COL20A1: variants seen among roughly 807,000 people sequenced by gnomAD.
COL20A1 encodes the protein collagen type XX alpha 1 chain.
A neutral mutation model predicts 152.9 loss-of-function variants in COL20A1; 164 were observed. That is an observed-to-expected ratio of 1.07 (90% CI 0.94 to 1.22). The LOEUF (loss-of-function observed/expected upper bound fraction) is 1.22, where lower values mean the gene tolerates loss of function less well. COL20A1 is among the 50% of genes most tolerant of loss of function. COL20A1 has a pLI of 0.00. For missense variants in COL20A1, 1,873 were observed against 1,744.8 expected (o/e 1.07, Z -1.31); for synonymous variants, 864 against 756.0 (o/e 1.14, Z -2.34).
chr20:63,312,977 G>A (rs563547118), intron 16 of COL20A1, 43 bp downstream of exon 16: 51 of 1,527,684 alleles, frequency 3.3e-5, no homozygotes, highest in Admixed American at 6.0e-5. Flanking sequence ...CCCCCCGTGG[G>A]CCCCTAGTCC....
intron 30 of COL20A1, 150 bp from the exon 31 acceptor site, chr20:63,326,602 G>A (rs141164472): frequency 1.3e-4 from 72 of 541,598 alleles, no homozygotes; most frequent in Middle Eastern, 4.5e-4. Flanking sequence ...ACCACCTGCC[G>A]GAGGAATGGC....
chr20:63,321,534 G>A (rs921799730), intron 26 of COL20A1, among the ~76,000 whole-genome samples: 24 of 152,336 alleles, frequency 1.6e-4, no homozygotes, highest in African/African-American at 4.8e-4. Context: ...GACGTGGGCC[G>A]GCTGTGAGTC....
intron 21 of COL20A1, among the ~76,000 whole-genome samples, chr20:63,317,359 G>A (rs1033564726): frequency 2.0e-5 from 3 of 151,706 alleles, no homozygotes; most frequent in East Asian, 1.9e-4. Flanking sequence ...CCAGCTACTC[G>A]GGAGGCTGAG....
intron 14 of COL20A1, 134 bp downstream of exon 14, chr20:63,312,189 T>TGGTGTGGGGGCAGATGTG: frequency 8.5e-7 from 1 of 1,172,608 alleles, no homozygotes; most frequent in Non-Finnish European, 1.2e-6. Flanking sequence ...CGGGGGCACC[T>TGGTGTGGGGGCAGATGTG]GGTGTGGGGG....
Position 63,305,822 on chromosome 20 carries a change from T to C in COL20A1, c.338-59T>C. 1 of 1,544,286 alleles carries C rather than the reference T, an allele frequency of 6.5e-7. No individual in the cohort carries two copies. Among genetic ancestry groups the C allele is most frequent in the Middle Eastern group, 1.8e-4 (1 of 5,704 alleles). ...GCCCTTGAAGGGGTGTATGTGCAGC[T>C]GCCCCAGTGGACCAGGCCCTCCACT... On this transcript the variant is annotated intron_variant, in intron 4 of 35. Coordinates refer to ENST00000358894, the MANE Select transcript of COL20A1 (RefSeq NM_020882.4). The surrounding 1 kb of genome is among the most constrained non-coding windows in gnomAD (Gnocchi z 4.9).
intron 21 of COL20A1, among the ~76,000 whole-genome samples, chr20:63,317,000 C>G (rs899212582): frequency 6.6e-6 from 1 of 151,612 alleles, no homozygotes; most frequent in Non-Finnish European, 1.5e-5. Flanking sequence ...CCAGACTGAC[C>G]TGAGGCGATG....
At chr20:63,326,719 C>T (rs1232195200) in intron 30 of COL20A1, 33 bp from the exon 31 acceptor site, 2 of 1,377,796 alleles carry the variant, frequency 1.5e-6, no homozygotes, top group African/African-American at 3.1e-5. Context: ...TGCTGGGGGC[C>T]CAAGCCAAAC....
intron 2 of COL20A1, among the ~76,000 whole-genome samples, chr20:63,296,288 A>G (rs763854209): frequency 5.9e-5 from 9 of 152,292 alleles, no homozygotes; most frequent in East Asian, 1.9e-4. Context: ...TGCACTGTCA[A>G]TTTGAGCCAA....
chr20:63,299,349 A>G (rs925525052), intron 3 of COL20A1, among the ~76,000 whole-genome samples: 8 of 152,246 alleles, frequency 5.3e-5, no homozygotes, highest in African/African-American at 1.7e-4. Flanking sequence ...TCCCGTCAAC[A>G]CTGTATGATT....
At chr20:63,329,777 C>A in intron 35 of COL20A1, 116 bp downstream of exon 35, 1 of 716,516 alleles carries the variant, frequency 1.4e-6, no homozygotes, top group Non-Finnish European at 2.2e-6. Flanking sequence ...GCTGGGAGCA[C>A]AAGGCCCAGC....
At chr20:63,310,060 A>G in intron 10 of COL20A1, 145 bp downstream of exon 10, 1 of 836,702 alleles carries the variant, frequency 1.2e-6, no homozygotes, top group Admixed American at 3.0e-5. Flanking sequence ...CAGCCCAGGG[A>G]CTCACTGGGG....
Position 63,305,635 on chromosome 20 carries a change from C to A in COL20A1, c.337+75C>A. On this transcript the variant is annotated intron_variant, in intron 4 of 35. Coordinates refer to ENST00000358894, the MANE Select transcript of COL20A1 (RefSeq NM_020882.4). The surrounding 1 kb of genome is among the most constrained non-coding windows in gnomAD (Gnocchi z 4.9). ...CACCCTCCTCTGGGCTGGGGTCCCA[C>A]CCTCCTCCAGGCTGCGTTCCAGCCC... The A allele has an allele frequency of 6.8e-7, 1 of 1,467,260 alleles. No individual in the cohort carries two copies. Among genetic ancestry groups the A allele is most frequent in the Non-Finnish European group, 9.1e-7 (1 of 1,095,218 alleles). The allele number at this position is 1,467,260 out of a possible 1,614,324, so 90.9% of individuals were successfully genotyped here. A position where few individuals can be genotyped will look rare whatever the true frequency, so the allele number is the denominator to read the frequency against.
At position 63,305,905 on chromosome 20, in the gene COL20A1, T is replaced by C. The variant is rs764510637; in HGVS notation, c.362T>C (p.Leu121Pro). ...GTTGAGGATCTGAAGAGTAGCTCCC[T>C]GGACAGGAGCAGCCAGAGGCCCCTC... The part of the protein sequence containing the change: ...FVIEDLKSSS[L>P]DRSSQRPLGS... Residue 121 changes from leucine (L) to proline (P), a missense_variant, in exon 5 of 36, where the codon CTG becomes CCG. Transcript: ENST00000358894. The surrounding 1 kb of genome is among the most constrained non-coding windows in gnomAD (Gnocchi z 4.9). 6.2e-7 allele frequency: 1 copy of C among 1,612,888 alleles called. No homozygotes were observed. The highest frequency in any genetic ancestry group is 1.3e-5 in the African/African-American group (1 of 74,924).
intron 2 of COL20A1, 63 bp downstream of exon 2, chr20:63,295,252 C>G (rs908061694): frequency 6.2e-6 from 7 of 1,135,572 alleles, no homozygotes; most frequent in Non-Finnish European, 9.0e-6. Context: ...CCAGTGCCCA[C>G]GCGGGACGAG....
rs1429447296 is a variant in COL20A1, at chr20:63,322,002, C to T, written c.3241-56C>T. On this transcript the variant is annotated intron_variant, in intron 26 of 35. Transcript: ENST00000358894. ...CATGGGGCTCAGGGGCTGGTCTTTG[C>T]TCCTCTACCTTGGTTGGGTAGTTCT... 9.0e-6 allele frequency: 13 copies of T among 1,440,422 alleles called. No individual in the cohort carries two copies. The Admixed American group carries it at 3.1e-4, about 34-fold the overall frequency. The allele number at this position is 1,440,422 out of a possible 1,614,324, so 89.2% of individuals were successfully genotyped here.
chr20:63,312,147 AC>A, intron 14 of COL20A1, 92 bp downstream of exon 14: 1 of 1,365,542 alleles, frequency 7.3e-7, no homozygotes, highest in Non-Finnish European at 9.7e-7. Context: ...ATCAGATAAC[AC>A]ATTCAAAACC....
chr20:63,320,163 C>A lies in COL20A1; in HGVS notation c.3041C>A (p.Ala1014Asp). 1 of 1,555,722 alleles carries A rather than the reference C, an allele frequency of 6.4e-7. No homozygotes were observed. The highest frequency in any genetic ancestry group is 8.7e-7 in the Non-Finnish European group (1 of 1,151,858). ...GGCTTCGTCACGCTGGGGAGGCTGG[C>A]CAAGGCCAGGGGCCCCCGGAGCAGT... ...AAGFVTLGRLAKARGPRSSSA... is the reference protein window; with the variant it reads ...AAGFVTLGRLDKARGPRSSSA... The change falls in exon 24 of 36, where the codon GCC (alanine) becomes GAC (aspartate). Residue 1014 changes from alanine (A) to aspartate (D), a missense_variant. Coordinates refer to ENST00000358894, the MANE Select transcript of COL20A1 (RefSeq NM_020882.4).
chr20:63,316,250 G>A (rs2068082742), intron 20 of COL20A1, among the ~76,000 whole-genome samples: 1 of 152,150 alleles, frequency 6.6e-6, no homozygotes, highest in African/African-American at 2.4e-5. Flanking sequence ...GTCCATCTCT[G>A]GGTCTCCGAA....
rs1460587701 is a variant in COL20A1, at chr20:63,312,488, C to T, written c.1872C>T (p.Val624=). The change falls in exon 15 of 36, where the codon GTC becomes GTT. Residue 624 remains valine, a synonymous_variant. Transcript: ENST00000358894. ...GPLSSSTTYT[V]RVTCLYPGGG... The stretch of plus-strand genomic sequence containing the variant: ...TCTCTTCCTCCACCACCTACACTGT[C>T]CGTGTCACCTGCCTCTACCCTGGGG... 2 of 1,608,956 alleles carry T rather than the reference C, an allele frequency of 1.2e-6. No homozygotes were observed. Among genetic ancestry groups the T allele is most frequent in the Admixed American group, 3.3e-5 (2 of 59,894 alleles).
Sources: allele counts gnomAD v4.1 joint callset (sites outside exome capture counted in the v4.1 genomes callset), GRCh38; gene constraint gnomAD v4.1.1; non-coding constraint Gnocchi (gnomAD v3.1); transcripts MANE v1.5; gene names NCBI Gene and HGNC (gene_info 2026-07-23, HGNC 2026-07-21).